Variants in OPCML observed in about 807,000 individuals in gnomAD.
OPCML encodes the protein opioid-binding protein/cell adhesion molecule.
A neutral mutation model predicts 37.8 loss-of-function variants in OPCML; 13 were observed. That is an observed-to-expected ratio of 0.34 (90% confidence interval 0.22 to 0.55). The LOEUF is 0.55. Among genes scored for constraint, OPCML ranks in the 20% least tolerant of loss-of-function variants. The pLI is 0.91. For synonymous variants in OPCML, 176 were observed against 168.8 expected, an observed-to-expected ratio of 1.04 and a Z score of -0.33; for missense variants, 341 against 435.6, an observed-to-expected ratio of 0.78 and a Z score of 1.93.
intron 2 of OPCML, among the ~76,000 whole-genome samples, chr11:132,713,640 A>C (rs576414451): frequency 6.6e-6 from 1 of 152,338 alleles, no homozygotes; most frequent in African/African-American, 2.4e-5. Flanking sequence ...CCTAAAATGG[A>C]TTCGGCCAGA....
intron 1 of OPCML, among the ~76,000 whole-genome samples, chr11:133,228,361 GT>G (rs1218290168): frequency 6.6e-6 from 1 of 151,900 alleles, no homozygotes; most frequent in Non-Finnish European, 1.5e-5. Flanking sequence ...GTTAAATGTG[GT>G]GAAGGTCACA....
At chr11:133,200,766 A>T (rs1938744181) in intron 1 of OPCML, among the ~76,000 whole-genome samples, 2 of 152,212 alleles carry the variant, frequency 1.3e-5, no homozygotes, top group South Asian at 4.1e-4. Context: ...TCAACCCAGT[A>T]ATCCCTTTGT....
At chr11:132,506,805 A>C (rs565677455) in intron 4 of OPCML, among the ~76,000 whole-genome samples, 1 of 152,298 alleles carries the variant, frequency 6.6e-6, no homozygotes, top group South Asian at 2.1e-4. Context: ...GATACAAAAC[A>C]TGAAAGCTAC....
At chr11:132,844,484 C>T (rs1336760846) in intron 2 of OPCML, among the ~76,000 whole-genome samples, 1 of 152,052 alleles carries the variant, frequency 6.6e-6, no homozygotes, top group African/African-American at 2.4e-5. Flanking sequence ...GGAAGAATGA[C>T]ATGATCATAA....
chr11:133,154,219 T>TGA (rs1565476168), intron 1 of OPCML, among the ~76,000 whole-genome samples: 1 of 144,486 alleles, frequency 6.9e-6, no homozygotes, highest in African/African-American at 2.5e-5. Context: ...TGCTTCTGAT[T>TGA]AAAAAAAAAA....
chr11:132,934,203 A>G lies in OPCML; in HGVS notation c.146+8723T>C, dbSNP rs776473925. On this transcript the variant is annotated intron_variant, in intron 2 of 7. Coordinates refer to ENST00000524381, the MANE Select transcript of OPCML (RefSeq NM_001012393.5). ...GTAAGCATTGGAAAGTCCTGGAACCACTAGGCCAGTCAGAGCGGGGTTAAG... is the reference window on the plus strand; with the variant it reads ...GTAAGCATTGGAAAGTCCTGGAACCGCTAGGCCAGTCAGAGCGGGGTTAAG... 1.0e-3 allele frequency among the ~76,000 whole-genome samples: 157 copies of G among 152,176 alleles called. 6 individuals are homozygous for G. Among genetic ancestry groups the G allele is most frequent in the Admixed American group, 2.0e-4 (3 of 15,278 alleles).
chr11:133,254,390 A>T (rs1277761979), intron 1 of OPCML, among the ~76,000 whole-genome samples: 2 of 152,222 alleles, frequency 1.3e-5, no homozygotes, highest in East Asian at 3.8e-4. Context: ...AATAGTCAGG[A>T]TAAGGTGACA....
chr11:132,436,772 G>C lies in OPCML; in HGVS notation c.651C>G (p.Pro217=), dbSNP rs142073080. ...RKVKITVNYP[P]YISKAKNTGV... is the part of the protein sequence containing the mutation. The stretch of plus-strand genomic sequence containing the variant: ...CAGTGTTCTTGGCTTTTGAGATATA[G>C]GGAGGATCTGTGGGAAACACACACA... Residue 217 remains proline, a synonymous_variant, in exon 6 of 8, where the codon CCC becomes CCG. Coordinates refer to ENST00000524381, the MANE Select transcript of OPCML (RefSeq NM_001012393.5). 48 of 1,614,084 alleles carry C rather than the reference G, an allele frequency of 3.0e-5. No individual in the cohort carries two copies. In the African/African-American group the frequency reaches 6.4e-4, roughly 22 times the overall value.
At chr11:133,316,817 C>T (rs765728386) in intron 1 of OPCML, among the ~76,000 whole-genome samples, 1 of 152,176 alleles carries the variant, frequency 6.6e-6, no homozygotes, top group African/African-American at 2.4e-5. Flanking sequence ...ATGACTTCAT[C>T]GCTAAGCCCC....
chr11:133,043,594 G>A (rs552683176), intron 1 of OPCML, among the ~76,000 whole-genome samples: 17 of 152,302 alleles, frequency 1.1e-4, no homozygotes, highest in South Asian at 4.2e-4. Context: ...TGGTGTGTAC[G>A]GGATTAGACA....
At chr11:133,414,062 GC>G (rs1945709089) in intron 1 of OPCML, among the ~76,000 whole-genome samples, 1 of 152,168 alleles carries the variant, frequency 6.6e-6, no homozygotes, top group African/African-American at 2.4e-5. Context: ...AGAAATACAA[GC>G]GTTTACAGTC....
chr11:132,744,185 C>T (rs1945533979), intron 2 of OPCML, among the ~76,000 whole-genome samples: 1 of 152,164 alleles, frequency 6.6e-6, no homozygotes, highest in Non-Finnish European at 1.5e-5. Flanking sequence ...GCCTATGTTG[C>T]AACTCCTCGA....
chr11:133,332,697 T>G (rs1592209474), intron 1 of OPCML, among the ~76,000 whole-genome samples: 1 of 152,230 alleles, frequency 6.6e-6, no homozygotes, highest in African/African-American at 2.4e-5. Context: ...GCCTTTTATG[T>G]ATCTACTGAA....
At chr11:132,911,105 A>G (rs11223276) in intron 2 of OPCML, among the ~76,000 whole-genome samples, 22,298 of 152,254 alleles carry the variant, frequency 0.15, 2,166 homozygotes, top group Non-Finnish European at 0.22. Context: ...CAGAAATCCT[A>G]CAATTCACCC....
At chr11:132,652,043 T>C (rs139884577) in intron 3 of OPCML, among the ~76,000 whole-genome samples, 24 of 152,272 alleles carry the variant, frequency 1.6e-4, no homozygotes, top group African/African-American at 5.3e-4. Context: ...CTGGCACACA[T>C]AGATCTCTGC....
chr11:132,472,824 T>A (rs187700171), intron 4 of OPCML, among the ~76,000 whole-genome samples: 43 of 152,332 alleles, frequency 2.8e-4, no homozygotes, highest in Non-Finnish European at 4.6e-4. Flanking sequence ...CATTTGTATC[T>A]TTCTCACTAC....
chr11:132,831,128 G>A (rs1449835700), intron 2 of OPCML, among the ~76,000 whole-genome samples: 3 of 151,664 alleles, frequency 2.0e-5, no homozygotes, highest in Non-Finnish European at 2.9e-5. Context: ...CTCAGTACAT[G>A]TACATGAAAG....
At chr11:133,080,606 T>G (rs1434028643) in intron 1 of OPCML, among the ~76,000 whole-genome samples, 1 of 151,930 alleles carries the variant, frequency 6.6e-6, no homozygotes, top group East Asian at 1.9e-4. Context: ...ATTCACACAT[T>G]TCATTAAACA....
In OPCML at chr11:132,439,759, A is replaced by G. The variant is rs141850642; in HGVS notation, c.506-2400T>C. On this transcript the variant is annotated intron_variant, in intron 4 of 7. Coordinates refer to ENST00000524381, the MANE Select transcript of OPCML (RefSeq NM_001012393.5). ...AGAATGAGAAGCCTGGATTTCTACTACGATGACTCCATTATTTTTTCAAAA... is the reference window on the plus strand; with the variant it reads ...AGAATGAGAAGCCTGGATTTCTACTGCGATGACTCCATTATTTTTTCAAAA... Among the ~76,000 whole-genome samples, 187 of 151,660 alleles carry G rather than the reference A, an allele frequency of 1.2e-3. 1 individual carries two copies. Among genetic ancestry groups the G allele is most frequent in the African/African-American group, 4.2e-3 (172 of 41,356 alleles).
Sources: allele counts gnomAD v4.1 joint callset (sites outside exome capture counted in the v4.1 genomes callset), GRCh38; gene constraint gnomAD v4.1.1; transcripts MANE v1.5; gene names NCBI Gene and HGNC (gene_info 2026-07-23, HGNC 2026-07-21).